SPEF2: variants seen among roughly 807,000 people sequenced by gnomAD.
SPEF2 encodes the protein sperm flagellar and cilia associated 2, also known as sperm flagella and cilia-associated protein 2.
SPEF2 carries 187 observed loss-of-function variants against 224.6 expected under a neutral mutation model. That is an observed-to-expected ratio of 0.83 (90% CI 0.74 to 0.94). The LOEUF is 0.94. Among genes scored for constraint, SPEF2 ranks in the 40% least tolerant of loss-of-function variants. The probability of loss-of-function intolerance (pLI) is 0.00; values close to 1 mark genes in which losing one functional copy is unlikely to be tolerated. For synonymous variants in SPEF2, 715 were observed against 707.3 expected (o/e 1.01, Z -0.17); for missense variants, 2,170 against 2,135.6 (o/e 1.02, Z -0.32).
rs1758419457 is a variant in SPEF2 at position 35,809,721 on chromosome 5, C to G, written c.5379+2468C>G. 2.0e-5 allele frequency among the ~76,000 whole-genome samples: 3 copies of G among 152,152 alleles called. No homozygotes were observed. The South Asian group carries it at 6.2e-4, about 32-fold the overall frequency. On this transcript the variant is annotated intron_variant, in intron 36 of 36. Transcript: ENST00000356031. ...TGAAAAGCAAGAGAGAATGAACAGG[C>G]TGCTGAGCAGAGCATGATATGATGT...
At chr5:35,667,909 A>C (rs1427075680) in intron 9 of SPEF2, among the ~76,000 whole-genome samples, 1 of 152,166 alleles carries the variant, frequency 6.6e-6, no homozygotes, top group Non-Finnish European at 1.5e-5. Flanking sequence ...ACAAGTAAAA[A>C]AATTCACCCT....
chr5:35,813,662 G>A (rs776080446), intron 36 of SPEF2, among the ~76,000 whole-genome samples: 25 of 152,014 alleles, frequency 1.6e-4, no homozygotes, highest in Non-Finnish European at 2.8e-4. Flanking sequence ...ATGATTCCTC[G>A]CAGTGACTGA....
chr5:35,807,906 C>A, intron 36 of SPEF2: 1 of 1,443,366 alleles, frequency 6.9e-7, no homozygotes, highest in Non-Finnish European at 9.1e-7. Flanking sequence ...ACACCAACCC[C>A]CTTTCATACT....
intron 2 of SPEF2, among the ~76,000 whole-genome samples, chr5:35,639,730 A>T (rs1746330088): frequency 6.6e-6 from 1 of 151,952 alleles, no homozygotes; most frequent in African/African-American, 2.4e-5. Flanking sequence ...TACCTGTAAG[A>T]AGAGGTATTC....
chr5:35,628,652 C>T (rs1304389359), intron 2 of SPEF2, 90 bp downstream of exon 2: 11 of 869,058 alleles, frequency 1.3e-5, no homozygotes, highest in South Asian at 3.2e-5. Context: ...AGTGCAGTAG[C>T]GTGATCATAG....
intron 5 of SPEF2, among the ~76,000 whole-genome samples, chr5:35,648,474 T>A (rs1006308589): frequency 1.3e-5 from 2 of 151,418 alleles, no homozygotes; most frequent in Admixed American, 6.6e-5. Flanking sequence ...AGCCTTAACC[T>A]CCAAGGCTCA....
chr5:35,762,986 C>T (rs1046629111), intron 25 of SPEF2, among the ~76,000 whole-genome samples: 1 of 152,110 alleles, frequency 6.6e-6, no homozygotes, highest in African/African-American at 2.4e-5. Context: ...TGCAGTACCC[C>T]CTTTCAGACC....
intron 10 of SPEF2, chr5:35,675,644 C>T (rs7703256): frequency 0.61 from 117,208 of 193,078 alleles, 36,673 homozygotes; most frequent in East Asian, 0.74. Flanking sequence ...TCCCAGTAGC[C>T]AGGACTACAG....
chr5:35,751,082 C>CGTATATATATAT (rs1561305754), intron 23 of SPEF2, among the ~76,000 whole-genome samples: 1 of 12,196 alleles, frequency 8.2e-5, no homozygotes, highest in Non-Finnish European at 2.1e-4. Flanking sequence ...TATATATACA[C>CGTATATATATAT]ACACACACAC....
intron 36 of SPEF2, among the ~76,000 whole-genome samples, chr5:35,810,817 A>G (rs1347705355): frequency 6.6e-6 from 1 of 152,200 alleles, no homozygotes; most frequent in Non-Finnish European, 1.5e-5. Flanking sequence ...CTCATAGCAG[A>G]GAGTTAGTTA....
In SPEF2 at chr5:35,628,552, T is replaced by C; in HGVS notation, c.151T>C (p.Leu51=). ...FELQDDFSEF[L]DSRVSSAKLN... ...ACTTCAGGATGATTTTTCAGAATTT[T>C]TGGACAGCAGGTTAGTGAGATTATT... The change falls in exon 2 of 37, where the codon TTG becomes CTG. Residue 51 remains leucine, a synonymous_variant. Coordinates refer to ENST00000356031, the MANE Select transcript of SPEF2 (RefSeq NM_024867.4). The C allele has an allele frequency of 6.2e-7, 1 of 1,608,876 alleles. No individual in the cohort carries two copies. Among genetic ancestry groups the C allele is most frequent in the East Asian group, 2.2e-5 (1 of 44,844 alleles).
intron 20 of SPEF2, among the ~76,000 whole-genome samples, chr5:35,724,503 A>G (rs1744301942): frequency 1.3e-5 from 2 of 152,202 alleles, no homozygotes; most frequent in Non-Finnish European, 1.5e-5. Flanking sequence ...CAAACTTCTA[A>G]GTATGAATCA....
At chr5:35,808,609 G>C (rs927461803) in intron 36 of SPEF2, among the ~76,000 whole-genome samples, 1 of 151,776 alleles carries the variant, frequency 6.6e-6, no homozygotes, top group Non-Finnish European at 1.5e-5. Flanking sequence ...ATAGTATTCC[G>C]TGGTGTATAT....
chr5:35,788,746 T>C, intron 30 of SPEF2: 1 of 703,062 alleles, frequency 1.4e-6, no homozygotes, highest in Non-Finnish European at 2.6e-6. Flanking sequence ...TACAACCATG[T>C]GTACAAACTG....
intron 16 of SPEF2, among the ~76,000 whole-genome samples, chr5:35,703,531 A>C (rs1739124936): frequency 6.6e-6 from 1 of 152,070 alleles, no homozygotes; most frequent in South Asian, 2.1e-4. Context: ...GGGTGATCAC[A>C]AAATTCATTG....
chr5:35,713,841 A>G lies in SPEF2; in HGVS notation c.2914+955A>G, dbSNP rs1368520139. On this transcript the variant is annotated intron_variant, in intron 20 of 36. Coordinates refer to ENST00000356031, the MANE Select transcript of SPEF2 (RefSeq NM_024867.4). ...TGTTATATATAGTGTTATATATTTT[A>G]TATATAGTATATATATTATATATAG... Among the ~76,000 whole-genome samples the G allele has an allele frequency of 9.0e-3, 980 of 109,038 alleles. 46 individuals are homozygous for G. The highest frequency in any genetic ancestry group is 1.0e-2 in the Non-Finnish European group (567 of 56,978). The allele number at this position is 109,038 out of a possible 152,430, so 71.5% of individuals were successfully genotyped here. A position where few individuals can be genotyped will look rare whatever the true frequency, so the allele number is the denominator to read the frequency against.
chr5:35,713,737 A>G lies in SPEF2; in HGVS notation c.2914+851A>G, dbSNP rs535900458. Among the ~76,000 whole-genome samples the G allele has an allele frequency of 2.7e-3, 161 of 59,898 alleles. 3 individuals are homozygous for G. Among genetic ancestry groups the G allele is most frequent in the African/African-American group, 8.2e-3 (157 of 19,202 alleles). 39.3% of individuals were successfully genotyped at this position (59,898 alleles called of 152,430 possible). A position where few individuals can be genotyped will look rare whatever the true frequency, so the allele number is the denominator to read the frequency against. The stretch of plus-strand genomic sequence containing the variant: ...TGGGTGACAGACTCTGTCTCAAAAT[A>G]TATATATATATTTTATATATATTTT... On this transcript the variant is annotated intron_variant, in intron 20 of 36. Transcript: ENST00000356031.
At chr5:35,804,394 A>G (rs536684853) in intron 34 of SPEF2, among the ~76,000 whole-genome samples, 1 of 152,344 alleles carries the variant, frequency 6.6e-6, no homozygotes, top group South Asian at 2.1e-4. Flanking sequence ...TGCTCATTCA[A>G]AAGTACTGGC....
intron 33 of SPEF2, among the ~76,000 whole-genome samples, chr5:35,797,294 T>C (rs1460272143): frequency 6.7e-6 from 1 of 148,394 alleles, no homozygotes; most frequent in Admixed American, 6.7e-5. Flanking sequence ...AAACATGTTG[T>C]TATGGAACAA....
Sources: allele counts gnomAD v4.1 joint callset (sites outside exome capture counted in the v4.1 genomes callset), GRCh38; gene constraint gnomAD v4.1.1; transcripts MANE v1.5; gene names NCBI Gene and HGNC (gene_info 2026-07-23, HGNC 2026-07-21).